BAG2: variants seen among roughly 807,000 people sequenced by gnomAD.
BAG2 encodes BAG cochaperone 2.
A neutral mutation model predicts 16.4 loss-of-function variants in BAG2; 8 were observed. The observed-to-expected ratio is 0.49, with a 90% CI of 0.29 to 0.88. BAG2 has a LOEUF of 0.88. Ranked by LOEUF, BAG2 falls within the 40% of genes least tolerant of loss-of-function variation. The pLI is 0.09. For synonymous variants in BAG2, 82 were observed against 89.2 expected, an observed-to-expected ratio of 0.92 and a Z score of 0.46; for missense variants, 218 against 248.9, an observed-to-expected ratio of 0.88 and a Z score of 0.84.
rs556107152 is a variant in BAG2, at chr6:57,183,991, T to G, written c.437T>G (p.Val146Gly). The change falls in exon 3 of 3, where the codon GTG becomes GGG. Residue 146 changes from valine to glycine, a missense_variant. This residue lies in a region of BAG2 where 113 missense variants were observed against 128.0 expected (regional missense o/e 0.88). Coordinates refer to ENST00000370693, the MANE Select transcript of BAG2 (RefSeq NM_004282.4). ...MSLYSACSSE[V>G]PHGPVDQKFQ... is the part of the protein sequence containing the mutation. ...CTCTACAGTGCATGTTCATCTGAGG[T>G]GCCACATGGGCCAGTTGATCAGAAG... 1.8e-4 allele frequency: 285 copies of G among 1,612,838 alleles called. 2 individuals are homozygous for G. In the South Asian group the frequency reaches 3.0e-3, roughly 17 times the overall value.
At chr6:57,173,319 C>T (rs931243618) in intron 1 of BAG2, 2 of 985,300 alleles carry the variant, frequency 2.0e-6, no homozygotes, top group East Asian at 1.1e-4. Flanking sequence ...CAAAACCAAC[C>T]CAGCAATCCA....
rs1223512108 is a variant in BAG2 at position 57,189,311 on chromosome 6, A to C, written c.*5121A>C. 6.6e-6 allele frequency: 1 copy of C among 152,266 alleles called. No individual in the cohort carries two copies. The highest frequency in any genetic ancestry group is 1.5e-5 in the Non-Finnish European group (1 of 68,048). 9.4% of individuals were successfully genotyped at this position (152,266 alleles called of 1,614,324 possible). ...TTAAAATACCATACAAAAATGTGTA[A>C]ACAAAAGGATGGTTTAGAGTTGCAG... On this transcript the variant is annotated 3_prime_UTR_variant, in exon 3 of 3. Coordinates refer to ENST00000370693, the MANE Select transcript of BAG2 (RefSeq NM_004282.4).
intron 1 of BAG2, among the ~76,000 whole-genome samples, chr6:57,180,276 A>T (rs934331694): frequency 6.6e-6 from 1 of 152,200 alleles, no homozygotes; most frequent in African/African-American, 2.4e-5. Context: ...TGTTATAAAG[A>T]TGTCTAATTT....
Position 57,184,182 on chromosome 6 carries a change from T to C in BAG2, c.628T>C (p.Phe210Leu). The C allele has an allele frequency of 6.5e-7, 1 of 1,541,024 alleles. No individual in the cohort carries two copies. The highest frequency in any genetic ancestry group is 8.7e-7 in the Non-Finnish European group (1 of 1,153,264). ...KTLQQNAESR[F>L]N The stretch of plus-strand genomic sequence containing the variant: ...TCTGCAACAAAATGCTGAAAGCAGA[T>C]TCAATTAGTCTTCAAACCTAAGAGC... The change falls in exon 3 of 3, where the codon TTC (phenylalanine) becomes CTC (leucine). Residue 210 changes from phenylalanine (F) to leucine (L), a missense_variant. Coordinates refer to ENST00000370693, the MANE Select transcript of BAG2 (RefSeq NM_004282.4).
chr6:57,177,918 T>A (rs1275496719), intron 1 of BAG2, among the ~76,000 whole-genome samples: 1 of 152,202 alleles, frequency 6.6e-6, no homozygotes, highest in Non-Finnish European at 1.5e-5. Flanking sequence ...GGGTACTAGC[T>A]GAGGATGCAT....
Position 57,189,700 on chromosome 6 carries a change from A to T in BAG2, c.*5510A>T, listed in dbSNP as rs2127995966. The stretch of plus-strand genomic sequence containing the variant: ...GCTTTTAAAAGATATAATAAACAAT[A>T]TAAATTCTGATAGTAAAGCACTATA... On this transcript the variant is annotated 3_prime_UTR_variant, in exon 3 of 3. Coordinates refer to ENST00000370693, the MANE Select transcript of BAG2 (RefSeq NM_004282.4). 1 of 152,804 alleles carries T rather than the reference A, an allele frequency of 6.5e-6. No homozygotes were observed. Among genetic ancestry groups the T allele is most frequent in the South Asian group, 2.1e-4 (1 of 4,832 alleles). 9.5% of individuals were successfully genotyped at this position (152,804 alleles called of 1,614,324 possible).
Position 57,172,819 on chromosome 6 carries a change from C to T in BAG2, c.113+9C>T, listed in dbSNP as rs1241785676. ...GACCAGCTGGAGCTCAGGTGAGCTC[C>T]GGGCGGGCGGTCTCGGGCGTTCTGC... is the stretch of plus-strand genomic sequence containing the variant. On this transcript the variant is annotated intron_variant, in intron 1 of 2. Transcript: ENST00000370693. 6.6e-7 allele frequency: 1 copy of T among 1,505,228 alleles called. No individual in the cohort carries two copies. Among genetic ancestry groups the T allele is most frequent in the Non-Finnish European group, 8.9e-7 (1 of 1,124,898 alleles). 93.2% of individuals were successfully genotyped at this position (1,505,228 alleles called of 1,614,324 possible).
intron 1 of BAG2, chr6:57,173,127 T>G (rs2127991650): frequency 5.1e-3 from 4,870 of 964,226 alleles, no homozygotes; most frequent in Middle Eastern, 9.4e-3. Context: ...AAAGTTACAG[T>G]GAGATTCCAT....
chr6:57,175,317 C>G (rs958012674), intron 1 of BAG2, among the ~76,000 whole-genome samples: 2 of 152,160 alleles, frequency 1.3e-5, no homozygotes, highest in African/African-American at 4.8e-5. Flanking sequence ...CTCCCATAAC[C>G]CTTGTTACAG....
intron 1 of BAG2, among the ~76,000 whole-genome samples, chr6:57,180,926 C>T (rs1156591771): frequency 6.6e-6 from 1 of 152,148 alleles, no homozygotes; most frequent in Non-Finnish European, 1.5e-5. Flanking sequence ...AACAGTAACT[C>T]CTGTTTAAAA....
At chr6:57,177,460 G>A (rs1240727965) in intron 1 of BAG2, among the ~76,000 whole-genome samples, 3 of 152,032 alleles carry the variant, frequency 2.0e-5, no homozygotes, top group African/African-American at 4.8e-5. Flanking sequence ...TCAAATCATG[G>A]TATGAGCATT....
In BAG2 at chr6:57,182,057, A is replaced by G; in HGVS notation, c.139A>G (p.Thr47Ala). The G allele has an allele frequency of 1.2e-6, 2 of 1,614,160 alleles. No individual in the cohort carries two copies. The highest frequency in any genetic ancestry group is 1.7e-6 in the Non-Finnish European group (2 of 1,180,020). The change falls in exon 2 of 3, where the codon ACT becomes GCT. Residue 47 changes from threonine to alanine, a missense_variant. By Grantham distance (58) the Thr-to-Ala change is moderately conservative. Around this residue, in one of 3 missense-constraint regions of BAG2, gnomAD observed 75 missense variants for 63.1 expected, o/e 1.19. Coordinates refer to ENST00000370693, the MANE Select transcript of BAG2 (RefSeq NM_004282.4). The part of the protein sequence containing the change: ...LRVEALREAA[T>A]AVEQEKEILL... ...GGTTGAAGCTTTGAGAGAAGCAGCA[A>G]CTGCTGTTGAGCAAGAGAAAGAAAT...
At chr6:57,182,416 G>A (rs1268790408) in intron 2 of BAG2, among the ~76,000 whole-genome samples, 1 of 151,358 alleles carries the variant, frequency 6.6e-6, no homozygotes, top group Non-Finnish European at 1.5e-5. Context: ...GTAAGGCCAT[G>A]TGTTTTATCC....
At chr6:57,173,130 G>A in intron 1 of BAG2, 1 of 1,034,404 alleles carries the variant, frequency 9.7e-7, no homozygotes, top group Non-Finnish European at 1.2e-6. Flanking sequence ...GTTACAGTGA[G>A]ATTCCATGCG....
rs1401279707 is a variant in BAG2, at chr6:57,172,731, G to A, written c.34G>A (p.Glu12Lys). Reference sequence around the variant, plus strand: ...GGCGAAGATCAACGCTAAAGCCAACGAGGGGCGCTTCTGCCGCTCCTCCTC... The same window carrying A: ...GGCGAAGATCAACGCTAAAGCCAACAAGGGGCGCTTCTGCCGCTCCTCCTC... Reference protein sequence around the residue: ...AQAKINAKANEGRFCRSSSMA... With the variant: ...AQAKINAKANKGRFCRSSSMA... Residue 12 changes from glutamate to lysine, a missense_variant, in exon 1 of 3, where the codon GAG (glutamate) becomes AAG (lysine). By Grantham distance (56) the Glu-to-Lys change is moderately conservative (BLOSUM62 1). This residue lies in a region of BAG2 where 75 missense variants were observed against 63.1 expected (regional missense o/e 1.19). Coordinates refer to ENST00000370693, the MANE Select transcript of BAG2 (RefSeq NM_004282.4). 4 of 1,581,190 alleles carry A rather than the reference G, an allele frequency of 2.5e-6. No individual in the cohort carries two copies. The highest frequency in any genetic ancestry group is 1.8e-4 in the Middle Eastern group (1 of 5,548).
chr6:57,173,424 C>T, intron 1 of BAG2: 1 of 985,392 alleles, frequency 1.0e-6, no homozygotes. Flanking sequence ...TCTCCCCTAA[C>T]CTCGCGGACG....
chr6:57,173,674 T>A, intron 1 of BAG2: 2 of 325,518 alleles, frequency 6.1e-6, no homozygotes, highest in Non-Finnish European at 8.8e-6. Context: ...TGTGAACGTT[T>A]GTCTCAAGTT....
intron 1 of BAG2, among the ~76,000 whole-genome samples, chr6:57,175,681 C>G (rs960597369): frequency 2.0e-5 from 3 of 152,128 alleles, no homozygotes; most frequent in African/African-American, 7.2e-5. Flanking sequence ...CCATAAGAAC[C>G]CAAAAAGGAC....
chr6:57,179,723 ATTTC>A (rs1438812998), intron 1 of BAG2, among the ~76,000 whole-genome samples: 1 of 152,128 alleles, frequency 6.6e-6, no homozygotes, highest in Non-Finnish European at 1.5e-5. Context: ...TACAATATAT[ATTTC>A]TTTATTTTGC....
Sources: allele counts gnomAD v4.1 joint callset (sites outside exome capture counted in the v4.1 genomes callset), GRCh38; gene constraint gnomAD v4.1.1; regional missense constraint gnomAD v4.1.1; transcripts MANE v1.5; gene names NCBI Gene and HGNC (gene_info 2026-07-23, HGNC 2026-07-21).